Variants in KIF6 observed in about 807,000 individuals in gnomAD.
The protein encoded by KIF6 is kinesin-like protein KIF6.
Under a neutral mutation model 112.7 loss-of-function variants are expected in KIF6, and 106 were observed. The observed-to-expected ratio is 0.94, with a 90% CI of 0.80 to 1.11. The LOEUF (loss-of-function observed/expected upper bound fraction) is 1.11, where lower values mean the gene tolerates loss of function less well. KIF6 is among the 50% of genes least tolerant of loss of function. The probability of loss-of-function intolerance (pLI) is 0.00; values close to 1 mark genes in which losing one functional copy is unlikely to be tolerated. For synonymous variants in KIF6, 339 were observed against 339.9 expected (o/e 1.00, Z 0.03); for missense variants, 929 against 964.0 (o/e 0.96, Z 0.48).
chr6:39,602,985 C>G (rs1478527755), intron 6 of KIF6, among the ~76,000 whole-genome samples: 10 of 152,148 alleles, frequency 6.6e-5, no homozygotes, highest in Non-Finnish European at 1.3e-4. Flanking sequence ...TATCCAAACC[C>G]TGGAACAATC....
chr6:39,541,697 C>T (rs1406366914), intron 12 of KIF6, among the ~76,000 whole-genome samples: 1 of 152,168 alleles, frequency 6.6e-6, no homozygotes, highest in East Asian at 1.9e-4. Flanking sequence ...ATCAGAATGC[C>T]ACATACCTAA....
At chr6:39,355,489 A>T (rs1407131089) in intron 19 of KIF6, among the ~76,000 whole-genome samples, 1 of 131,158 alleles carries the variant, frequency 7.6e-6, no homozygotes, top group Admixed American at 8.4e-5. Context: ...TTTGAGGCAG[A>T]GTCTCGCTCT....
At chr6:39,505,910 G>A (rs906344721) in intron 13 of KIF6, among the ~76,000 whole-genome samples, 1 of 152,190 alleles carries the variant, frequency 6.6e-6, no homozygotes, top group African/African-American at 2.4e-5. Flanking sequence ...TGGTGGGAGT[G>A]TAAATTAGTT....
intron 4 of KIF6, among the ~76,000 whole-genome samples, chr6:39,638,365 C>T (rs549601757): frequency 1.3e-5 from 2 of 152,076 alleles, no homozygotes; most frequent in Non-Finnish European, 2.9e-5. Flanking sequence ...CTTTCTAAGA[C>T]AAAAGGATTC....
intron 13 of KIF6, among the ~76,000 whole-genome samples, chr6:39,463,541 T>C (rs1339614467): frequency 6.6e-6 from 1 of 152,244 alleles, no homozygotes; most frequent in Non-Finnish European, 1.5e-5. Flanking sequence ...CATGTTTAGA[T>C]CTATTTAACA....
At chr6:39,442,082 A>C (rs1042631986) in intron 13 of KIF6, among the ~76,000 whole-genome samples, 1 of 152,168 alleles carries the variant, frequency 6.6e-6, no homozygotes, top group African/African-American at 2.4e-5. Flanking sequence ...CAGAAATCAC[A>C]CATCCCACGG....
chr6:39,719,349 G>C (rs1790070487), intron 2 of KIF6, among the ~76,000 whole-genome samples: 1 of 150,538 alleles, frequency 6.6e-6, no homozygotes, highest in African/African-American at 2.4e-5. Context: ...AAAAGAAAAA[G>C]AGAGAGAGAG....
At chr6:39,510,772 C>A (rs1776732378) in intron 13 of KIF6, among the ~76,000 whole-genome samples, 1 of 150,824 alleles carries the variant, frequency 6.6e-6, no homozygotes. Flanking sequence ...AGAGTCAAGA[C>A]CCATTGGTGT....
intron 9 of KIF6, among the ~76,000 whole-genome samples, chr6:39,584,092 T>C (rs1781462943): frequency 6.6e-6 from 1 of 151,870 alleles, no homozygotes; most frequent in South Asian, 2.1e-4. Flanking sequence ...GAATGGCTAT[T>C]AGGACTTTTC....
intron 13 of KIF6, among the ~76,000 whole-genome samples, chr6:39,496,075 G>C (rs1262967550): frequency 1.3e-5 from 2 of 152,120 alleles, no homozygotes; most frequent in Non-Finnish European, 2.9e-5. Flanking sequence ...TTTTCCTCAA[G>C]CTGCCAGCCT....
chr6:39,473,358 A>G (rs561062897), intron 13 of KIF6, among the ~76,000 whole-genome samples: 2 of 152,298 alleles, frequency 1.3e-5, no homozygotes, highest in East Asian at 3.9e-4. Flanking sequence ...AAACCTTTTA[A>G]GAGCTCTGAG....
chr6:39,623,399 A>G (rs2150739352), intron 5 of KIF6, among the ~76,000 whole-genome samples: 1 of 152,322 alleles, frequency 6.6e-6, no homozygotes, highest in South Asian at 2.1e-4. Context: ...AGGTATTCCT[A>G]TTGCACACTC....
chr6:39,574,495 G>C (rs1780821432), intron 10 of KIF6, among the ~76,000 whole-genome samples: 1 of 152,078 alleles, frequency 6.6e-6, no homozygotes, highest in African/African-American at 2.4e-5. Context: ...CTTAGCACTA[G>C]ATGTTCTTGT....
chr6:39,676,347 C>A (rs532960151), intron 3 of KIF6, among the ~76,000 whole-genome samples: 38 of 152,214 alleles, frequency 2.5e-4, no homozygotes, highest in Middle Eastern at 3.4e-3. Context: ...AGAGAACATG[C>A]TGTCAACCAA....
intron 15 of KIF6, among the ~76,000 whole-genome samples, chr6:39,408,570 A>G (rs1007644817): frequency 6.6e-6 from 1 of 152,122 alleles, no homozygotes; most frequent in Non-Finnish European, 1.5e-5. Context: ...AGGGGGCAGA[A>G]TGATACTTTA....
At chr6:39,363,933 C>T (rs1328595018) in intron 16 of KIF6, among the ~76,000 whole-genome samples, 2 of 152,156 alleles carry the variant, frequency 1.3e-5, no homozygotes, top group Admixed American at 6.5e-5. Context: ...CATTTCATGG[C>T]GGACAGCTCT....
chr6:39,682,896 C>T (rs983925368), intron 3 of KIF6, among the ~76,000 whole-genome samples: 1 of 152,054 alleles, frequency 6.6e-6, no homozygotes, highest in East Asian at 1.9e-4. Flanking sequence ...ATTTCTAATG[C>T]GATTGGGAGG....
At chr6:39,555,605 T>G (rs1779662454) in intron 10 of KIF6, among the ~76,000 whole-genome samples, 1 of 152,094 alleles carries the variant, frequency 6.6e-6, no homozygotes, top group Non-Finnish European at 1.5e-5. Flanking sequence ...TCCCACTCAT[T>G]TCCATTTATT....
intron 12 of KIF6, among the ~76,000 whole-genome samples, chr6:39,541,977 G>A (rs1256631308): frequency 2.0e-5 from 3 of 152,168 alleles, no homozygotes; most frequent in Non-Finnish European, 4.4e-5. Context: ...TAGTGCCAAG[G>A]CTGAGGAACC....
Sources: gnomAD v4.1 joint callset for allele counts (sites outside exome capture counted in the v4.1 genomes callset) on GRCh38, gnomAD v4.1.1 for gene constraint, MANE v1.5 for transcripts, NCBI Gene and HGNC (gene_info 2026-07-23, HGNC 2026-07-21) for gene names.